The following TBC1D5 variants were observed in gnomAD, a reference collection of about 807,000 sequenced individuals.
TBC1D5 encodes TBC1 domain family, member 5.
TBC1D5 carries 75 observed loss-of-function variants against 100.3 expected under a neutral mutation model. The ratio of observed to expected loss-of-function variants is 0.75; its 90% CI spans 0.62 to 0.91. The LOEUF (loss-of-function observed/expected upper bound fraction) is 0.91, where lower values mean the gene tolerates loss of function less well. TBC1D5 is among the 40% of genes least tolerant of loss of function. The probability of loss-of-function intolerance (pLI) is 0.00; values close to 1 mark genes in which losing one functional copy is unlikely to be tolerated. For synonymous variants in TBC1D5, 323 were observed against 325.6 expected (o/e 0.99, Z 0.09); for missense variants, 910 against 942.4 (o/e 0.97, Z 0.45).
chr3:17,563,102 G>A (rs1560168540), intron 2 of TBC1D5, among the ~76,000 whole-genome samples: 1 of 152,226 alleles, frequency 6.6e-6, no homozygotes, highest in Admixed American at 6.5e-5. Context: ...TAGTTATAGT[G>A]AGTAAGAGAG....
chr3:17,563,882 A>G (rs1576729160), intron 2 of TBC1D5, among the ~76,000 whole-genome samples: 1 of 152,224 alleles, frequency 6.6e-6, no homozygotes, highest in South Asian at 2.1e-4. Flanking sequence ...TCCTGGCTTC[A>G]CGCCATTCTC....
intron 18 of TBC1D5, among the ~76,000 whole-genome samples, chr3:17,199,711 CA>C (rs1575903473): frequency 6.6e-6 from 1 of 152,274 alleles, no homozygotes; most frequent in East Asian, 1.9e-4. Flanking sequence ...CAAACTGTCC[CA>C]CCTTTGGGAT....
At chr3:17,536,551 T>C (rs2096283330) in intron 2 of TBC1D5, among the ~76,000 whole-genome samples, 1 of 152,184 alleles carries the variant, frequency 6.6e-6, no homozygotes. Context: ...GTAAAAATTG[T>C]AAAGGGTTTA....
At chr3:17,324,680 A>G (rs1176403078) in intron 13 of TBC1D5, among the ~76,000 whole-genome samples, 1 of 152,200 alleles carries the variant, frequency 6.6e-6, no homozygotes, top group East Asian at 1.9e-4. Context: ...GCAACACATT[A>G]GGAGAAAATA....
At chr3:17,408,715 T>A (rs1277227774) in intron 4 of TBC1D5, among the ~76,000 whole-genome samples, 1 of 152,156 alleles carries the variant, frequency 6.6e-6, no homozygotes, top group African/African-American at 2.4e-5. Context: ...ATTAAAGACA[T>A]CATGCCTTCA....
chr3:17,374,240 T>G (rs887688461), intron 12 of TBC1D5, among the ~76,000 whole-genome samples: 35 of 152,106 alleles, frequency 2.3e-4, no homozygotes, highest in Non-Finnish European at 8.8e-5. Context: ...TTGATTAATA[T>G]ACACACATAT....
At chr3:17,351,594 G>T (rs138821825) in intron 13 of TBC1D5, among the ~76,000 whole-genome samples, 4 of 152,180 alleles carry the variant, frequency 2.6e-5, no homozygotes, top group African/African-American at 9.6e-5. Context: ...TGGGGAGCAA[G>T]GGGAGGGATA....
At chr3:17,169,865 G>C (rs9985363) in intron 19 of TBC1D5, among the ~76,000 whole-genome samples, 1,854 of 152,240 alleles carry the variant, frequency 0.012, 37 homozygotes, top group African/African-American at 0.041. Context: ...AAATGGTTTC[G>C]CGATGAAACT....
chr3:17,729,599 C>A (rs1280054547), intron 1 of TBC1D5, among the ~76,000 whole-genome samples: 1 of 152,082 alleles, frequency 6.6e-6, no homozygotes, highest in Admixed American at 6.5e-5. Context: ...CCCAGCTCCT[C>A]AGGAGGCTGA....
At chr3:17,662,095 G>A (rs967097616) in intron 1 of TBC1D5, among the ~76,000 whole-genome samples, 1 of 152,026 alleles carries the variant, frequency 6.6e-6, no homozygotes, top group African/African-American at 2.4e-5. Context: ...TCGCTACGTT[G>A]CCCAGGTTGG....
chr3:17,312,510 T>C (rs1321863081), intron 13 of TBC1D5, among the ~76,000 whole-genome samples: 1 of 152,200 alleles, frequency 6.6e-6, no homozygotes. Context: ...ATTTGCTTTC[T>C]AAGTGTTCTT....
At chr3:17,670,743 T>C (rs1247327015) in intron 1 of TBC1D5, among the ~76,000 whole-genome samples, 1 of 152,246 alleles carries the variant, frequency 6.6e-6, no homozygotes, top group Non-Finnish European at 1.5e-5. Context: ...CTGGCTAAAG[T>C]AGTAGGCATA....
chr3:17,621,804 G>A (rs2062684365), intron 2 of TBC1D5, among the ~76,000 whole-genome samples: 1 of 151,714 alleles, frequency 6.6e-6, no homozygotes, highest in Non-Finnish European at 1.5e-5. Flanking sequence ...ACTCCAATAA[G>A]CAACTAGAGG....
At chr3:17,325,011 G>A (rs1052094322) in intron 13 of TBC1D5, among the ~76,000 whole-genome samples, 4 of 152,110 alleles carry the variant, frequency 2.6e-5, no homozygotes, top group Non-Finnish European at 4.4e-5. Context: ...ATACAAAATA[G>A]CATAGCCATT....
chr3:17,358,254 G>A (rs1341045022), intron 13 of TBC1D5, among the ~76,000 whole-genome samples: 6 of 152,052 alleles, frequency 3.9e-5, no homozygotes, highest in Non-Finnish European at 8.8e-5. Flanking sequence ...GCATGATCTC[G>A]GCTCACCACA....
At chr3:17,730,155 G>C (rs752518372) in intron 1 of TBC1D5, among the ~76,000 whole-genome samples, 48 of 152,020 alleles carry the variant, frequency 3.2e-4, no homozygotes, top group Non-Finnish European at 5.9e-4. Context: ...TGATTCTTAA[G>C]AAGACGAAAG....
chr3:17,233,288 C>T (rs780449434), intron 17 of TBC1D5, among the ~76,000 whole-genome samples: 10 of 152,218 alleles, frequency 6.6e-5, no homozygotes, highest in African/African-American at 2.4e-4. Context: ...GTATTTCTGG[C>T]TAATCGTAGC....
At chr3:17,390,263 A>G (rs1559783992) in intron 8 of TBC1D5, among the ~76,000 whole-genome samples, 2 of 152,172 alleles carry the variant, frequency 1.3e-5, no homozygotes, top group Non-Finnish European at 1.5e-5. Context: ...GGTGCCTGAT[A>G]GTTGGAAAGA....
Position 17,529,655 on chromosome 3 carries a change from A to T in TBC1D5, c.-35-21050T>A, listed in dbSNP as rs547897058. Among the ~76,000 whole-genome samples the T allele has an allele frequency of 4.8e-3, 635 of 132,618 alleles. 5 individuals carry two copies. The highest frequency in any genetic ancestry group is 0.02 in the African/African-American group (571 of 28,870). The allele number at this position is 132,618 out of a possible 152,430, so 87.0% of individuals were successfully genotyped here. ...AGGCATTATTATTATTATTATTTTT[A>T]TTTTTTTTTGAGACAGAGTCTTGTT... On this transcript the variant is annotated intron_variant, in intron 2 of 21. Transcript: ENST00000253692.
Sources: allele counts gnomAD v4.1 joint callset (sites outside exome capture counted in the v4.1 genomes callset), GRCh38; gene constraint gnomAD v4.1.1; transcripts MANE v1.5; gene names NCBI Gene and HGNC (gene_info 2026-07-23, HGNC 2026-07-21).